Variants in DNAAF11 observed in about 807,000 individuals in gnomAD.
DNAAF11 encodes the protein leucine rich repeat containing 6.
Under a neutral mutation model 60.8 loss-of-function variants are expected in DNAAF11, and 45 were observed. The observed-to-expected ratio is 0.74, with a 90% CI of 0.58 to 0.95. The LOEUF (loss-of-function observed/expected upper bound fraction) is 0.95. DNAAF11 is among the 40% of genes least tolerant of loss of function. The pLI is 0.00. For synonymous variants in DNAAF11, 191 were observed against 183.5 expected (o/e 1.04, Z -0.33); for missense variants, 546 against 546.2 (o/e 1.00, Z 0.00).
At chr8:132,672,341 C>T (rs113807354) in intron 1 of DNAAF11, among the ~76,000 whole-genome samples, 294 of 152,306 alleles carry the variant, frequency 1.9e-3, no homozygotes, top group African/African-American at 6.7e-3. Flanking sequence ...AATTCATTTT[C>T]CTCTTGCCAC....
the DNAAF11 span, among the ~76,000 whole-genome samples, chr8:132,695,374 G>C: frequency 2.0e-5 from 3 of 152,144 alleles, no homozygotes; most frequent in Non-Finnish European, 4.4e-5. Flanking sequence ...TTTATAAGTA[G>C]ATAAGAGAGG....
chr8:132,699,076 C>T, the DNAAF11 span, among the ~76,000 whole-genome samples: 2 of 150,946 alleles, frequency 1.3e-5, 1 homozygote, highest in South Asian at 4.2e-4. Flanking sequence ...TTACAGTGAG[C>T]TGAGATCACA....
chr8:132,624,667 C>T (rs1820075821), intron 6 of DNAAF11, among the ~76,000 whole-genome samples: 1 of 151,886 alleles, frequency 6.6e-6, no homozygotes, highest in Non-Finnish European at 1.5e-5. Flanking sequence ...ATAAGTATTC[C>T]CATAAGTTAT....
the DNAAF11 span, among the ~76,000 whole-genome samples, chr8:132,693,973 A>G: frequency 6.6e-6 from 1 of 152,214 alleles, no homozygotes; most frequent in African/African-American, 2.4e-5. Context: ...ATTTGAGCAA[A>G]GGAATGTTAT....
chr8:132,597,717 T>C (rs776383363), intron 10 of DNAAF11, among the ~76,000 whole-genome samples: 4 of 152,212 alleles, frequency 2.6e-5, no homozygotes, highest in Non-Finnish European at 4.4e-5. Context: ...ATAATGTGTA[T>C]TTCCTTGTCC....
intron 2 of DNAAF11, among the ~76,000 whole-genome samples, chr8:132,661,008 C>T (rs1824078491): frequency 1.3e-5 from 2 of 152,134 alleles, no homozygotes. Context: ...CCTCAATACC[C>T]AATACTGAGC....
chr8:132,620,430 G>A (rs1261983700), intron 7 of DNAAF11, among the ~76,000 whole-genome samples: 2 of 152,186 alleles, frequency 1.3e-5, no homozygotes, highest in South Asian at 4.1e-4. Context: ...TGCCTCCCAG[G>A]TTCAAGCGAT....
intron 10 of DNAAF11, among the ~76,000 whole-genome samples, chr8:132,609,149 G>A (rs776593158): frequency 2.0e-5 from 3 of 152,022 alleles, no homozygotes; most frequent in South Asian, 2.1e-4. Context: ...ATCAAAATAC[G>A]TCTGTGGGGA....
rs1477343392 is a variant in DNAAF11, at chr8:132,572,209, ACT to A, written c.*95_*96del. On this transcript the variant is annotated 3_prime_UTR_variant, in exon 12 of 12. Transcript: ENST00000620350. ...ACTGGAGCAGCGATATTGACAAATA[ACT>A]CTGTGTTTATCCCAGGAATAATATG... The A allele has an allele frequency of 1.7e-4, 166 of 970,368 alleles. 1 individual carries two copies. The East Asian group carries it at 3.6e-3, about 21-fold the overall frequency. 60.1% of individuals were successfully genotyped at this position (970,368 alleles called of 1,614,324 possible).
At chr8:132,669,306 T>A (rs1277065781) in intron 1 of DNAAF11, among the ~76,000 whole-genome samples, 3 of 152,188 alleles carry the variant, frequency 2.0e-5, no homozygotes, top group Non-Finnish European at 4.4e-5. Flanking sequence ...TCAGACTACA[T>A]GTTGTCACAG....
chr8:132,600,801 A>C (rs1817532726), intron 10 of DNAAF11, among the ~76,000 whole-genome samples: 1 of 152,230 alleles, frequency 6.6e-6, no homozygotes, highest in African/African-American at 2.4e-5. Flanking sequence ...TAAATGTTAG[A>C]CCTAAAACCA....
chr8:132,698,126 C>T, the DNAAF11 span, among the ~76,000 whole-genome samples: 1 of 152,158 alleles, frequency 6.6e-6, no homozygotes, highest in Non-Finnish European at 1.5e-5. Context: ...GGACCCTCAC[C>T]TGTAAAATGG....
In DNAAF11 at chr8:132,573,138, A is replaced by G. The variant is rs140628734; in HGVS notation, c.1227-658T>C. Among the ~76,000 whole-genome samples the G allele has an allele frequency of 3.7e-3, 559 of 152,330 alleles. 2 individuals carry two copies. Among genetic ancestry groups the G allele is most frequent in the Non-Finnish European group, 5.4e-3 (365 of 68,028 alleles). The stretch of plus-strand genomic sequence containing the variant: ...TACAGATATAGATATAGATATAGAT[A>G]TAGATGTAGATAATCAGGTCTCTGG... On this transcript the variant is annotated intron_variant, in intron 11 of 11. Coordinates refer to ENST00000620350, the MANE Select transcript of DNAAF11 (RefSeq NM_012472.6).
At chr8:132,637,863 A>G in intron 4 of DNAAF11, 72 bp downstream of exon 4, 1 of 1,323,280 alleles carries the variant, frequency 7.6e-7, no homozygotes. Flanking sequence ...TGTTGCTGCC[A>G]GTAAAGCAGG....
chr8:132,610,382 C>A, intron 9 of DNAAF11, 121 bp from the exon 10 acceptor site: 1 of 645,830 alleles, frequency 1.5e-6, no homozygotes, highest in Middle Eastern at 2.9e-4. Context: ...TGTGCTTAAG[C>A]TTATTAAAAA....
At chr8:132,694,576 A>C in the DNAAF11 span, among the ~76,000 whole-genome samples, 2 of 152,242 alleles carry the variant, frequency 1.3e-5, no homozygotes, top group Non-Finnish European at 2.9e-5. Flanking sequence ...CTAGCAAACT[A>C]ATACAGGGCA....
chr8:132,674,343 TCCCCCCCG>T (rs1217819681), intron 1 of DNAAF11, among the ~76,000 whole-genome samples: 1 of 151,264 alleles, frequency 6.6e-6, no homozygotes, highest in Admixed American at 6.6e-5. Flanking sequence ...TACAAATCAC[TCCCCCCCG>T]ACCCCCACCT....
intron 8 of DNAAF11, among the ~76,000 whole-genome samples, chr8:132,613,306 A>C (rs1277394003): frequency 6.6e-6 from 1 of 152,218 alleles, no homozygotes; most frequent in Non-Finnish European, 1.5e-5. Flanking sequence ...TGAACGGATA[A>C]ACAAAATGTG....
chr8:132,605,498 C>A (rs1203429229), intron 10 of DNAAF11, among the ~76,000 whole-genome samples: 1 of 152,192 alleles, frequency 6.6e-6, no homozygotes, highest in Non-Finnish European at 1.5e-5. Context: ...GGTATTCACT[C>A]ATTCAACAAA....
Sources: allele counts gnomAD v4.1 joint callset (sites outside exome capture counted in the v4.1 genomes callset), GRCh38; gene constraint gnomAD v4.1.1; transcripts MANE v1.5; gene names NCBI Gene and HGNC (gene_info 2026-07-23, HGNC 2026-07-21).